The following STX3 variants were observed in gnomAD, a reference collection of about 807,000 sequenced individuals.
The protein encoded by STX3 is syntaxin-3.
Under a neutral mutation model 40.2 loss-of-function variants are expected in STX3, and 19 were observed. The ratio of observed to expected loss-of-function variants is 0.47; its 90% CI spans 0.33 to 0.69. STX3 has a LOEUF of 0.69. STX3 is among the 30% of genes least tolerant of loss of function. The pLI is 0.02. For synonymous variants in STX3, 122 were observed against 132.2 expected (o/e 0.92, Z 0.53); for missense variants, 364 against 366.7 (o/e 0.99, Z 0.06).
chr11:59,792,024 A>T (rs1865201043), intron 5 of STX3, 83 bp from the exon 6 acceptor site: 1 of 1,088,606 alleles, frequency 9.2e-7, no homozygotes, highest in East Asian at 2.5e-5. Flanking sequence ...GTGCTATTGT[A>T]GATGGCTATG....
At chr11:59,794,043 A>C (rs1865373105) in intron 8 of STX3, among the ~76,000 whole-genome samples, 1 of 152,172 alleles carries the variant, frequency 6.6e-6, no homozygotes, top group African/African-American at 2.4e-5. Flanking sequence ...TCTCTAGTTC[A>C]CAGGGAAGAC....
chr11:59,785,276 G>C (rs944620174), intron 2 of STX3, among the ~76,000 whole-genome samples: 2 of 152,172 alleles, frequency 1.3e-5, no homozygotes, highest in African/African-American at 4.8e-5. Context: ...CAAAAGTACT[G>C]ATTTGAGGGC....
At position 59,785,683 on chromosome 11, in the gene STX3, G is replaced by A. The variant is rs1338274878; in HGVS notation, c.115-1354G>A. Among the ~76,000 whole-genome samples, 3 of 152,198 alleles carry A rather than the reference G, an allele frequency of 2.0e-5. No homozygotes were observed. In the East Asian group the frequency reaches 5.8e-4, roughly 29 times the overall value. ...GCTATAATCAGGTTTTGAAAAAGGT[G>A]AAGTGTCCACAGGAAAAGAGGGATG... is the stretch of plus-strand genomic sequence containing the variant. On this transcript the variant is annotated intron_variant, in intron 2 of 10. Transcript: ENST00000337979.
chr11:59,770,596 T>C (rs1043937564), intron 1 of STX3, among the ~76,000 whole-genome samples: 1 of 152,076 alleles, frequency 6.6e-6, no homozygotes, highest in Non-Finnish European at 1.5e-5. Flanking sequence ...GAGTTGATGA[T>C]ACTTGATGAA....
rs1554996770 is a variant in STX3 at position 59,772,974 on chromosome 11, A to AAACACACACACACACAC, written c.31-236_31-235insACACACACACACACACA. ...TTCTCACCCCTCACCCCCTGAAAGA[A>AAACACACACACACACAC]ACACACACACACACACACACACACA... On this transcript the variant is annotated intron_variant, in intron 1 of 10. Transcript: ENST00000337979. 6.6e-3 allele frequency among the ~76,000 whole-genome samples: 925 copies of AAACACACACACACACAC among 140,652 alleles called. 9 individuals are homozygous for AAACACACACACACACAC. The highest frequency in any genetic ancestry group is 0.018 in the Admixed American group (254 of 13,876). 92.3% of individuals were successfully genotyped at this position (140,652 alleles called of 152,430 possible).
Position 59,795,456 on chromosome 11 carries a change from G to A in STX3, c.760G>A (p.Val254Met). The change falls in exon 9 of 11, where the codon GTG becomes ATG. Residue 254 changes from valine to methionine, a missense_variant. By Grantham distance (21) the Val-to-Met change is conservative. Coordinates refer to ENST00000337979, the MANE Select transcript of STX3 (RefSeq NM_004177.5). ...EKARDETKKA[V>M]KYQSQARKKL... ...GGCACGAGATGAAACGAAAAAAGCT[G>A]TGAAATACCAGAGTCAGGCCCGGAA... 1 of 1,613,166 alleles carries A rather than the reference G, an allele frequency of 6.2e-7. No individual in the cohort carries two copies. The highest frequency in any genetic ancestry group is 1.6e-4 in the Middle Eastern group (1 of 6,062).
At chr11:59,795,589 C>G (rs1865468546) in intron 9 of STX3, 107 bp downstream of exon 9, 1 of 1,544,214 alleles carries the variant, frequency 6.5e-7, no homozygotes, top group Non-Finnish European at 8.7e-7. Flanking sequence ...CCACCTCTTG[C>G]ATCTGGGGAA....
intron 10 of STX3, chr11:59,799,797 T>C (rs1378055221): frequency 1.0e-6 from 1 of 985,334 alleles, no homozygotes; most frequent in East Asian, 1.1e-4. Context: ...CAACCTCTCA[T>C]AGACAGGTGG....
intron 6 of STX3, 110 bp downstream of exon 6, chr11:59,792,325 G>A (rs1865233236): frequency 1.2e-6 from 1 of 821,418 alleles, no homozygotes; most frequent in African/African-American, 1.7e-5. Context: ...TTGTGCCTAA[G>A]TCTAGGGCAG....
At chr11:59,796,204 A>T (rs1410538303) in intron 9 of STX3, among the ~76,000 whole-genome samples, 1 of 152,228 alleles carries the variant, frequency 6.6e-6, no homozygotes, top group Non-Finnish European at 1.5e-5. Flanking sequence ...GTTGAGGGTC[A>T]GGGGCTCAGT....
chr11:59,766,238 C>T (rs1018111525), intron 1 of STX3, among the ~76,000 whole-genome samples: 9 of 152,184 alleles, frequency 5.9e-5, no homozygotes, highest in Admixed American at 4.6e-4. Flanking sequence ...TGCCTTGCTG[C>T]TCTGATTTGT....
rs116560073 is a variant in STX3, at chr11:59,763,488, G to T, written c.30+7853G>T. On this transcript the variant is annotated intron_variant, in intron 1 of 10. Transcript: ENST00000337979. Reference sequence around the variant, plus strand: ...GATTTTTGTATCCGACAAGCAGAATGCAAGTTCTTTTGAAATACGCATAGA... The same window carrying T: ...GATTTTTGTATCCGACAAGCAGAATTCAAGTTCTTTTGAAATACGCATAGA... Among the ~76,000 whole-genome samples, 241 of 152,294 alleles carry T rather than the reference G, an allele frequency of 1.6e-3. 1 individual carries two copies. Among genetic ancestry groups the T allele is most frequent in the African/African-American group, 5.6e-3 (231 of 41,562 alleles).
intron 1 of STX3, among the ~76,000 whole-genome samples, chr11:59,760,421 TTTG>T (rs1847278277): frequency 1.3e-5 from 2 of 151,990 alleles, no homozygotes; most frequent in Non-Finnish European, 2.9e-5. Flanking sequence ...GTTTTTTTTT[TTTG>T]TTTGTTTGTT....
chr11:59,767,402 A>C (rs1476450870), intron 1 of STX3, among the ~76,000 whole-genome samples: 1 of 152,182 alleles, frequency 6.6e-6, no homozygotes, highest in Non-Finnish European at 1.5e-5. Context: ...TTCTTTGATA[A>C]AGATGCTGAA....
At chr11:59,785,570 A>G (rs1349690945) in intron 2 of STX3, among the ~76,000 whole-genome samples, 1 of 152,112 alleles carries the variant, frequency 6.6e-6, no homozygotes, top group African/African-American at 2.4e-5. Context: ...GGCTCAAGTA[A>G]TCTGCCTGCC....
At chr11:59,798,263 A>G (rs1865648299) in intron 10 of STX3, among the ~76,000 whole-genome samples, 2 of 150,076 alleles carry the variant, frequency 1.3e-5, no homozygotes, top group East Asian at 2.0e-4. Context: ...CCTGGGGTGC[A>G]GTGGCATGAT....
Position 59,804,023 on chromosome 11 carries a change from AGGACAG to A in STX3, c.*3209_*3214del, listed in dbSNP as rs1303644100. 2.0e-5 allele frequency: 3 copies of A among 152,596 alleles called. No homozygotes were observed. The highest frequency in any genetic ancestry group is 4.4e-5 in the Non-Finnish European group (3 of 68,060). 9.5% of individuals were successfully genotyped at this position (152,596 alleles called of 1,614,324 possible). A position where few individuals can be genotyped will look rare whatever the true frequency, so the allele number is the denominator to read the frequency against. ...AATAAACGTATACAGAATTGGGCGG[AGGACAG>A]GGACAGGGAGTACAGATACATAGCT... On this transcript the variant is annotated 3_prime_UTR_variant, in exon 11 of 11. Coordinates refer to ENST00000337979, the MANE Select transcript of STX3 (RefSeq NM_004177.5).
rs1311339497 is a variant in STX3, at chr11:59,778,211, G to A, written c.114+4917G>A. ...AAAGAGCGGTACATAGGTCCCACCT[G>A]CCTGTGTTTTGAAACCACCAGAGTC... On this transcript the variant is annotated intron_variant, in intron 2 of 10. Coordinates refer to ENST00000337979, the MANE Select transcript of STX3 (RefSeq NM_004177.5). Among the ~76,000 whole-genome samples the A allele has an allele frequency of 3.3e-5, 5 of 152,152 alleles. No homozygotes were observed. In the East Asian group the frequency reaches 9.6e-4, roughly 29 times the overall value.
At position 59,800,869 on chromosome 11, in the gene STX3, C is replaced by A; in HGVS notation, c.*45C>A. The A allele has an allele frequency of 6.5e-7, 1 of 1,536,360 alleles. No homozygotes were observed. The highest frequency in any genetic ancestry group is 8.7e-7 in the Non-Finnish European group (1 of 1,146,910). ...CTGCCTCCTAGAAACTGATTTCACT[C>A]CAGACTGGTGTGGCCACCCTTGTCT... On this transcript the variant is annotated 3_prime_UTR_variant, in exon 11 of 11. Transcript: ENST00000337979.
Sources: allele counts gnomAD v4.1 joint callset (sites outside exome capture counted in the v4.1 genomes callset), GRCh38; gene constraint gnomAD v4.1.1; transcripts MANE v1.5; gene names NCBI Gene and HGNC (gene_info 2026-07-23, HGNC 2026-07-21).